Variants in ADAMTSL1 observed in about 807,000 individuals in gnomAD.
ADAMTSL1 encodes the protein ADAMTS-like protein 1.
ADAMTSL1 carries 126 observed loss-of-function variants against 201.8 expected under a neutral mutation model. The observed-to-expected ratio is 0.62, with a 90% CI of 0.54 to 0.72. ADAMTSL1 has a LOEUF of 0.72. Among genes scored for constraint, ADAMTSL1 ranks in the 30% least tolerant of loss-of-function variants. The pLI is 0.00. For missense variants in ADAMTSL1, 2,679 were observed against 2,277.8 expected, an observed-to-expected ratio of 1.18 and a Z score of -3.59; for synonymous variants, 1,121 against 903.4, an observed-to-expected ratio of 1.24 and a Z score of -4.32.
intron 4 of ADAMTSL1, among the ~76,000 whole-genome samples, chr9:18,611,242 C>T (rs537690159): frequency 6.6e-6 from 1 of 152,172 alleles, no homozygotes. Flanking sequence ...TCAACACTTT[C>T]CCTCTTGGGT....
chr9:18,523,361 G>A (rs534797559), intron 2 of ADAMTSL1, among the ~76,000 whole-genome samples: 143 of 152,112 alleles, frequency 9.4e-4, no homozygotes, highest in African/African-American at 3.2e-3. Flanking sequence ...AGATGAGTAG[G>A]TTGCAAAAAT....
intron 1 of ADAMTSL1, among the ~76,000 whole-genome samples, chr9:18,479,484 T>G (rs926936490): frequency 1.3e-5 from 2 of 152,238 alleles, no homozygotes; most frequent in East Asian, 3.8e-4. Flanking sequence ...TGTGTTCAAA[T>G]AGCCCCATCC....
At chr9:18,582,475 G>A (rs1823162711) in intron 4 of ADAMTSL1, among the ~76,000 whole-genome samples, 1 of 152,112 alleles carries the variant, frequency 6.6e-6, no homozygotes, top group African/African-American at 2.4e-5. Flanking sequence ...GGTGGGAGGC[G>A]ATTGAATTAT....
At position 18,322,606 on chromosome 9, in the gene ADAMTSL1, G is replaced by C. The variant is rs796267382; in HGVS notation, c.207+158625G>C. On this transcript the variant is annotated intron_variant, in intron 2 of 29. Coordinates refer to the ADAMTSL1 transcript ENST00000680146. ...CGAGATTGTGCCACTGCACACTCCA[G>C]CCTGGGTGACGAGAGCAAAACCCTG... is the stretch of plus-strand genomic sequence containing the variant. Among the ~76,000 whole-genome samples the C allele has an allele frequency of 1.0e-3, 153 of 152,244 alleles. 1 individual carries two copies. The highest frequency in any genetic ancestry group is 3.1e-3 in the African/African-American group (129 of 41,548).
intron 2 of ADAMTSL1, among the ~76,000 whole-genome samples, chr9:18,270,370 C>T (rs1443304874): frequency 6.6e-6 from 1 of 152,070 alleles, no homozygotes; most frequent in Admixed American, 6.6e-5. Context: ...GGAACACAAA[C>T]GTTCAGACCA....
intron 14 of ADAMTSL1, among the ~76,000 whole-genome samples, chr9:18,715,952 T>G (rs1425124986): frequency 6.6e-6 from 1 of 151,376 alleles, no homozygotes; most frequent in Non-Finnish European, 1.5e-5. Context: ...AACTATCTGA[T>G]CTTTGAAAAA....
intron 2 of ADAMTSL1, among the ~76,000 whole-genome samples, chr9:18,371,115 A>T (rs1019243082): frequency 6.6e-6 from 1 of 152,204 alleles, no homozygotes; most frequent in Non-Finnish European, 1.5e-5. Context: ...TAAGTAATAC[A>T]TGGATTCAGA....
chr9:18,622,982 G>A (rs137950118), intron 5 of ADAMTSL1, among the ~76,000 whole-genome samples: 15 of 152,250 alleles, frequency 9.9e-5, no homozygotes, highest in African/African-American at 2.2e-4. Flanking sequence ...TGCAACCTCC[G>A]CTTCCCGGGT....
At position 18,124,988 on chromosome 9, in the gene ADAMTSL1, A is replaced by G. The variant is rs1425316098; in HGVS notation, c.88-38874A>G. Among the ~76,000 whole-genome samples the G allele has an allele frequency of 2.3e-4, 35 of 152,176 alleles. 1 individual carries two copies. The highest frequency in any genetic ancestry group is 2.3e-3 in the Admixed American group (35 of 15,276). On this transcript the variant is annotated intron_variant, in intron 1 of 29. Coordinates refer to the ADAMTSL1 transcript ENST00000680146. Reference sequence around the variant, plus strand: ...TCACCCAGTTTGGTATTGCTAGGAGAGGAAAATATTTCACATTCTTAAGGC... The same window carrying G: ...TCACCCAGTTTGGTATTGCTAGGAGGGGAAAATATTTCACATTCTTAAGGC...
chr9:18,364,014 T>C (rs1732055511), intron 2 of ADAMTSL1, among the ~76,000 whole-genome samples: 2 of 152,126 alleles, frequency 1.3e-5, no homozygotes, highest in African/African-American at 4.8e-5. Context: ...TCAAATCACA[T>C]TTTTTAATGC....
chr9:18,291,236 T>C (rs1833248707), intron 2 of ADAMTSL1, among the ~76,000 whole-genome samples: 1 of 152,146 alleles, frequency 6.6e-6, no homozygotes, highest in Admixed American at 6.5e-5. Flanking sequence ...TCCTAAGAAC[T>C]AAAATGAAGC....
Position 18,256,444 on chromosome 9 carries a change from C to T in ADAMTSL1, c.207+92463C>T, listed in dbSNP as rs560798097. Among the ~76,000 whole-genome samples the T allele has an allele frequency of 2.6e-5, 4 of 152,174 alleles. No homozygotes were observed. The East Asian group carries it at 7.7e-4, about 29-fold the overall frequency. On this transcript the variant is annotated intron_variant, in intron 2 of 29. Coordinates refer to the ADAMTSL1 transcript ENST00000680146. ...GAATGCAAAGTACAGTCCAATGAAC[C>T]CTGAGGTTGGAGGATATAGATGCTT...
intron 20 of ADAMTSL1, among the ~76,000 whole-genome samples, chr9:18,797,504 C>T (rs529809381): frequency 5.1e-4 from 77 of 152,162 alleles, no homozygotes; most frequent in African/African-American, 1.6e-3. Flanking sequence ...CGATGGATAC[C>T]CGGCTACCTA....
intron 2 of ADAMTSL1, among the ~76,000 whole-genome samples, chr9:18,274,689 C>G (rs1012676852): frequency 6.6e-6 from 1 of 152,078 alleles, no homozygotes; most frequent in African/African-American, 2.4e-5. Flanking sequence ...TTTTCAACCA[C>G]TTTTTCTAGC....
intron 2 of ADAMTSL1, among the ~76,000 whole-genome samples, chr9:18,460,726 G>A (rs1820778136): frequency 2.0e-5 from 3 of 152,092 alleles, no homozygotes; most frequent in Non-Finnish European, 4.4e-5. Context: ...TGAAAATACT[G>A]CATTGAGTTA....
intron 2 of ADAMTSL1, among the ~76,000 whole-genome samples, chr9:18,410,794 T>G (rs1390846914): frequency 6.6e-6 from 1 of 152,074 alleles, no homozygotes; most frequent in Non-Finnish European, 1.5e-5. Context: ...GCCCTGAATC[T>G]TTTAATCTGT....
intron 1 of ADAMTSL1, among the ~76,000 whole-genome samples, chr9:18,142,856 A>G (rs977644433): frequency 6.6e-6 from 1 of 152,202 alleles, no homozygotes; most frequent in Non-Finnish European, 1.5e-5. Context: ...TAGAGTTCAA[A>G]TCCTGGTTTA....
intron 1 of ADAMTSL1, among the ~76,000 whole-genome samples, chr9:18,053,760 C>G (rs756029919): frequency 1.3e-5 from 2 of 152,172 alleles, no homozygotes; most frequent in Non-Finnish European, 2.9e-5. Context: ...GTTTACTGAG[C>G]ACTCTTGATG....
At chr9:18,223,900 T>G (rs931494326) in intron 2 of ADAMTSL1, among the ~76,000 whole-genome samples, 4 of 152,160 alleles carry the variant, frequency 2.6e-5, no homozygotes, top group Non-Finnish European at 5.9e-5. Flanking sequence ...CCATAGAGGT[T>G]GTATGTTTTC....
Sources: allele counts gnomAD v4.1 joint callset (sites outside exome capture counted in the v4.1 genomes callset), GRCh38; gene constraint gnomAD v4.1.1; transcripts MANE v1.5; gene names NCBI Gene and HGNC (gene_info 2026-07-23, HGNC 2026-07-21).